CHD6: variants seen among roughly 807,000 people sequenced by gnomAD.
The protein encoded by CHD6 is chromodomain helicase DNA binding protein 6.
CHD6 carries 50 observed loss-of-function variants against 276.9 expected under a neutral mutation model. The ratio of observed to expected loss-of-function variants is 0.18; its 90% CI spans 0.14 to 0.23. The LOEUF (loss-of-function observed/expected upper bound fraction) is 0.23. CHD6 is among the 10% of genes least tolerant of loss of function. The probability of loss-of-function intolerance (pLI) is 1.00; values close to 1 mark genes in which losing one functional copy is unlikely to be tolerated. For missense variants in CHD6, 2,564 were observed against 3,365.8 expected (o/e 0.76, Z 5.89); for synonymous variants, 1,173 against 1,229.3 (o/e 0.95, Z 0.96).
chr20:41,556,464 A>G (rs2045239253), intron 1 of CHD6, among the ~76,000 whole-genome samples: 1 of 151,932 alleles, frequency 6.6e-6, no homozygotes, highest in Non-Finnish European at 1.5e-5. Context: ...CACTTTAAGG[A>G]ATATCTCCTA....
intron 3 of CHD6, among the ~76,000 whole-genome samples, chr20:41,520,412 A>G (rs2044362091): frequency 6.6e-6 from 1 of 152,192 alleles, no homozygotes; most frequent in African/African-American, 2.4e-5. Flanking sequence ...AAAGACTTGG[A>G]ACCAACCCAA....
chr20:41,457,949 C>A (rs1261298488), intron 17 of CHD6, among the ~76,000 whole-genome samples: 1 of 152,200 alleles, frequency 6.6e-6, no homozygotes, highest in Non-Finnish European at 1.5e-5. Flanking sequence ...CATACTGTTT[C>A]ATTCTTACAT....
At chr20:41,418,173 C>A (rs1445741770) in intron 31 of CHD6, among the ~76,000 whole-genome samples, 2 of 152,162 alleles carry the variant, frequency 1.3e-5, no homozygotes, top group Non-Finnish European at 2.9e-5. Flanking sequence ...TCAGGATAAG[C>A]CAGACAGATA....
chr20:41,613,127 T>C (rs1230459487), intron 1 of CHD6, among the ~76,000 whole-genome samples: 5 of 152,222 alleles, frequency 3.3e-5, no homozygotes, highest in Non-Finnish European at 7.3e-5. Flanking sequence ...AATAAGCTTT[T>C]ATGTTCAACT....
Position 41,403,839 on chromosome 20 carries a change from C to T in CHD6, c.*754G>A. 2 of 1,057,340 alleles carry T rather than the reference C, an allele frequency of 1.9e-6. No individual in the cohort carries two copies. Among genetic ancestry groups the T allele is most frequent in the Non-Finnish European group, 2.3e-6 (2 of 874,328 alleles). The allele number at this position is 1,057,340 out of a possible 1,614,324, so 65.5% of individuals were successfully genotyped here. ...CGGAGCGCGGGTCCTTGCCCCACCC[C>T]CGTCGACAGCAATAACTCATGGTGG... On this transcript the variant is annotated 3_prime_UTR_variant, in exon 37 of 37. Coordinates refer to ENST00000373233, the MANE Select transcript of CHD6 (RefSeq NM_032221.5).
At chr20:41,444,858 A>T (rs778989462) in intron 25 of CHD6, among the ~76,000 whole-genome samples, 3 of 151,974 alleles carry the variant, frequency 2.0e-5, no homozygotes, top group Admixed American at 1.3e-4. Flanking sequence ...GACTTGCCCA[A>T]TGTCACACAT....
At chr20:41,492,098 C>T (rs1215417796) in intron 10 of CHD6, among the ~76,000 whole-genome samples, 1 of 152,204 alleles carries the variant, frequency 6.6e-6, no homozygotes, top group African/African-American at 2.4e-5. Flanking sequence ...ACACCACACA[C>T]CACAATTAGC....
Position 41,415,107 on chromosome 20 carries a change from A to AGGG in CHD6, c.6939+78_6939+79insCCC, listed in dbSNP as rs2046953187. ...AATAGAGATAAAAGATCCACAAATT[A>AGGG]TTTTGCGTCTGAGGAAGAAGGGTTT... On this transcript the variant is annotated intron_variant, in intron 34 of 36. Transcript: ENST00000373233. The AGGG allele has an allele frequency of 6.0e-6, 9 of 1,502,508 alleles. No homozygotes were observed. The African/African-American group carries it at 1.1e-4, about 19-fold the overall frequency. 93.1% of individuals were successfully genotyped at this position (1,502,508 alleles called of 1,614,324 possible).
At position 41,573,794 on chromosome 20, in the gene CHD6, G is replaced by A. The variant is rs567028353; in HGVS notation, c.-23-22434C>T. On this transcript the variant is annotated intron_variant, in intron 1 of 36. Coordinates refer to ENST00000373233, the MANE Select transcript of CHD6 (RefSeq NM_032221.5). The stretch of plus-strand genomic sequence containing the variant: ...TTCATAAAGTAAGCAAGGACTGGAA[G>A]TGAAGACAGAGAAAACATGGGTAGT... Among the ~76,000 whole-genome samples, 46 of 152,182 alleles carry A rather than the reference G, an allele frequency of 3.0e-4. 1 individual carries two copies. The highest frequency in any genetic ancestry group is 8.3e-4 in the South Asian group (4 of 4,832).
intron 1 of CHD6, among the ~76,000 whole-genome samples, chr20:41,559,359 T>A (rs535544974): frequency 1.3e-5 from 2 of 152,292 alleles, no homozygotes; most frequent in South Asian, 4.1e-4. Flanking sequence ...TAACTCTATC[T>A]CAAAACAGTA....
intron 3 of CHD6, among the ~76,000 whole-genome samples, chr20:41,522,029 A>T (rs551618291): frequency 1.6e-4 from 25 of 152,318 alleles, no homozygotes; most frequent in Admixed American, 3.9e-4. Flanking sequence ...GGTAACTGTA[A>T]AGGAAGTGGT....
chr20:41,514,271 AAG>A (rs767925934), intron 4 of CHD6, among the ~76,000 whole-genome samples: 1 of 152,206 alleles, frequency 6.6e-6, no homozygotes, highest in Non-Finnish European at 1.5e-5. Context: ...CTTCATGCTC[AAG>A]AGAGGTTCTC....
intron 2 of CHD6, among the ~76,000 whole-genome samples, chr20:41,541,193 CTT>C (rs1161663779): frequency 6.6e-6 from 1 of 152,166 alleles, no homozygotes; most frequent in African/African-American, 2.4e-5. Flanking sequence ...CTCTTTCTCT[CTT>C]TCTTTTTCTG....
intron 36 of CHD6, among the ~76,000 whole-genome samples, chr20:41,407,226 C>G (rs2046704842): frequency 6.6e-6 from 1 of 152,194 alleles, no homozygotes; most frequent in Non-Finnish European, 1.5e-5. Flanking sequence ...CCACTAGAGT[C>G]TGCAGAGTGG....
chr20:41,421,388 G>A lies in CHD6; in HGVS notation c.5247C>T (p.Gly1749=), dbSNP rs1160713839. 1 of 1,613,976 alleles carries A rather than the reference G, an allele frequency of 6.2e-7. No individual in the cohort carries two copies. Among genetic ancestry groups the A allele is most frequent in the Non-Finnish European group, 8.5e-7 (1 of 1,180,016 alleles). ...ISKDGNCQSG[G]PEAEIASGPT... ...GGCCAGAAGCTATTTCTGCCTCAGG[G>A]CCACCAGACTGGCAGTTCCCATCTT... Residue 1749 remains glycine (G), a synonymous_variant, in exon 31 of 37, where the codon GGC becomes GGT. Transcript: ENST00000373233.
intron 36 of CHD6, among the ~76,000 whole-genome samples, chr20:41,407,102 C>T (rs1407481892): frequency 1.3e-5 from 2 of 152,192 alleles, no homozygotes; most frequent in Non-Finnish European, 2.9e-5. Flanking sequence ...GCCTACGGAG[C>T]AGCATGAGAC....
chr20:41,596,725 A>T (rs1446012985), intron 1 of CHD6, among the ~76,000 whole-genome samples: 1 of 152,214 alleles, frequency 6.6e-6, no homozygotes, highest in Non-Finnish European at 1.5e-5. Context: ...GTTTTTAAAC[A>T]GACTCAAGGA....
chr20:41,474,953 T>A (rs989670363), intron 16 of CHD6, among the ~76,000 whole-genome samples: 1 of 152,170 alleles, frequency 6.6e-6, no homozygotes, highest in East Asian at 1.9e-4. Context: ...TTCCTCTTTA[T>A]TTAAAATTAT....
intron 3 of CHD6, among the ~76,000 whole-genome samples, chr20:41,519,951 A>T (rs1352581859): frequency 2.0e-5 from 3 of 152,194 alleles, no homozygotes; most frequent in Admixed American, 6.5e-5. Context: ...ATCCAGAATC[A>T]GCAACGAGCT....
Sources: gnomAD v4.1 joint callset for allele counts (sites outside exome capture counted in the v4.1 genomes callset) on GRCh38, gnomAD v4.1.1 for gene constraint, MANE v1.5 for transcripts, NCBI Gene and HGNC (gene_info 2026-07-23, HGNC 2026-07-21) for gene names.